ANKS1B: variants seen among roughly 807,000 people sequenced by gnomAD.
The protein encoded by ANKS1B is ankyrin repeat and sterile alpha motif domain-containing protein 1B.
ANKS1B carries 36 observed loss-of-function variants against 148.3 expected under a neutral mutation model. The ratio of observed to expected loss-of-function variants is 0.24; its 90% CI spans 0.19 to 0.32. ANKS1B has a LOEUF of 0.32. Ranked by LOEUF, ANKS1B falls within the 10% of genes least tolerant of loss-of-function variation. The probability of loss-of-function intolerance (pLI) is 1.00; values close to 1 mark genes in which losing one functional copy is unlikely to be tolerated. For synonymous variants in ANKS1B, 542 were observed against 560.8 expected (o/e 0.97, Z 0.47); for missense variants, 1,157 against 1,542.6 (o/e 0.75, Z 4.19).
chr12:98,888,871 T>A (rs1382117367), intron 17 of ANKS1B, among the ~76,000 whole-genome samples: 2 of 152,228 alleles, frequency 1.3e-5, no homozygotes, highest in East Asian at 3.8e-4. Flanking sequence ...TTCCTTTGTA[T>A]CAATCCTCTC....
chr12:99,085,819 C>T (rs536123469), intron 15 of ANKS1B, among the ~76,000 whole-genome samples: 1 of 152,218 alleles, frequency 6.6e-6, no homozygotes, highest in East Asian at 1.9e-4. Flanking sequence ...ATGATGAGAA[C>T]ACACGGACGT....
rs10539640 is a variant in ANKS1B at position 99,812,511 on chromosome 12, CCACACACACACACA to C, written c.216-214_216-201del. Among the ~76,000 whole-genome samples the C allele has an allele frequency of 1.3e-3, 162 of 126,094 alleles. 1 individual carries two copies. Among genetic ancestry groups the C allele is most frequent in the Non-Finnish European group, 1.2e-3 (70 of 60,456 alleles). 82.7% of individuals were successfully genotyped at this position (126,094 alleles called of 152,430 possible). A position where few individuals can be genotyped will look rare whatever the true frequency, so the allele number is the denominator to read the frequency against. On this transcript the variant is annotated intron_variant, in intron 2 of 26. Transcript: ENST00000683438. Reference sequence around the variant, plus strand: ...TTACCTGGAAAACCATCACCCCATGCCACACACACACACACACACACACACACACACACACACAC... The same window carrying C: ...TTACCTGGAAAACCATCACCCCATGCCACACACACACACACACACACACAC...
chr12:99,572,319 T>G (rs1387717607), intron 9 of ANKS1B, among the ~76,000 whole-genome samples: 1 of 152,058 alleles, frequency 6.6e-6, no homozygotes, highest in African/African-American at 2.4e-5. Flanking sequence ...AAAATAAATG[T>G]TTTTTATTAT....
intron 9 of ANKS1B, among the ~76,000 whole-genome samples, chr12:99,572,086 T>C (rs181943693): frequency 2.0e-5 from 3 of 152,226 alleles, no homozygotes; most frequent in African/African-American, 7.2e-5. Context: ...GTACTAGATG[T>C]GCACTAACTA....
chr12:98,844,249 G>A (rs561133680), intron 17 of ANKS1B, among the ~76,000 whole-genome samples: 5 of 152,144 alleles, frequency 3.3e-5, no homozygotes, highest in Non-Finnish European at 7.4e-5. Flanking sequence ...AACAGTATTC[G>A]CCTCTTAGTG....
At chr12:99,263,637 T>G (rs1048094290) in intron 12 of ANKS1B, among the ~76,000 whole-genome samples, 13 of 152,234 alleles carry the variant, frequency 8.5e-5, no homozygotes, top group African/African-American at 2.9e-4. Context: ...AATCCCCACT[T>G]GATTGGATCA....
chr12:98,890,862 T>C (rs2099751204), intron 17 of ANKS1B, among the ~76,000 whole-genome samples: 1 of 152,176 alleles, frequency 6.6e-6, no homozygotes, highest in South Asian at 2.1e-4. Context: ...CCTCCAAATA[T>C]ATGGCCAAGC....
chr12:99,695,478 T>C (rs1415272573), intron 8 of ANKS1B, among the ~76,000 whole-genome samples: 2 of 152,334 alleles, frequency 1.3e-5, no homozygotes, highest in East Asian at 3.9e-4. Flanking sequence ...TTAAACTACA[T>C]TGGCTATTGA....
At chr12:98,811,167 T>C (rs1054853055) in intron 19 of ANKS1B, among the ~76,000 whole-genome samples, 7 of 152,346 alleles carry the variant, frequency 4.6e-5, no homozygotes, top group Non-Finnish European at 5.9e-5. Flanking sequence ...TGTGATTTCT[T>C]TGGAGAGCTC....
intron 10 of ANKS1B, among the ~76,000 whole-genome samples, chr12:99,476,735 A>C (rs1295070326): frequency 6.6e-6 from 1 of 152,194 alleles, no homozygotes; most frequent in East Asian, 1.9e-4. Flanking sequence ...TCTGTGTAAC[A>C]AATTACCCCA....
At chr12:99,398,172 G>A (rs887120390) in intron 12 of ANKS1B, among the ~76,000 whole-genome samples, 1 of 152,004 alleles carries the variant, frequency 6.6e-6, no homozygotes, top group Non-Finnish European at 1.5e-5. Flanking sequence ...ATATCACTCC[G>A]GCTTCCATGA....
intron 12 of ANKS1B, among the ~76,000 whole-genome samples, chr12:99,323,584 A>G (rs982334787): frequency 2.0e-5 from 3 of 152,102 alleles, no homozygotes; most frequent in Admixed American, 1.3e-4. Context: ...TACTTGCTTT[A>G]TTTTTTAACC....
intron 18 of ANKS1B, among the ~76,000 whole-genome samples, chr12:98,830,419 C>T (rs1566953468): frequency 2.0e-5 from 3 of 152,136 alleles, no homozygotes; most frequent in Non-Finnish European, 4.4e-5. Context: ...ACCCATCCCA[C>T]TCCAGTCTCT....
intron 20 of ANKS1B, among the ~76,000 whole-genome samples, chr12:98,802,478 GGGA>G (rs1208684236): frequency 6.6e-6 from 1 of 151,976 alleles, no homozygotes; most frequent in Non-Finnish European, 1.5e-5. Context: ...GCATATTTTG[GGGA>G]GGAGAACTAG....
chr12:99,661,807 T>G (rs957794745), intron 8 of ANKS1B, among the ~76,000 whole-genome samples: 1 of 152,210 alleles, frequency 6.6e-6, no homozygotes, highest in Admixed American at 6.5e-5. Flanking sequence ...TTGTCCAGTG[T>G]CTGTTGCAGC....
At chr12:99,903,028 AATGCTGGGACATGAGCCACC>A (rs1382867421) in intron 1 of ANKS1B, among the ~76,000 whole-genome samples, 2 of 152,104 alleles carry the variant, frequency 1.3e-5, no homozygotes, top group Non-Finnish European at 2.9e-5. Context: ...GGCCTCCCAA[AATGCTGGGACATGAGCCACC>A]ATGCCCAGCC....
chr12:99,031,496 C>T (rs759702557), intron 17 of ANKS1B, among the ~76,000 whole-genome samples: 6 of 152,144 alleles, frequency 3.9e-5, no homozygotes, highest in Admixed American at 2.6e-4. Flanking sequence ...GCAAGTTGGA[C>T]GGTGGCTGTG....
chr12:99,224,818 CCTTTAA>C (rs2085648085), intron 14 of ANKS1B, among the ~76,000 whole-genome samples: 1 of 152,110 alleles, frequency 6.6e-6, no homozygotes, highest in East Asian at 1.9e-4. Flanking sequence ...AAAACCAGGG[CCTTTAA>C]CTTAAACTTT....
intron 12 of ANKS1B, among the ~76,000 whole-genome samples, chr12:99,294,102 T>A (rs1279596747): frequency 6.6e-6 from 1 of 152,154 alleles, no homozygotes; most frequent in Non-Finnish European, 1.5e-5. Flanking sequence ...TACAGGACTA[T>A]GGAGAAAAAT....
Sources: allele counts gnomAD v4.1 joint callset (sites outside exome capture counted in the v4.1 genomes callset), GRCh38; gene constraint gnomAD v4.1.1; transcripts MANE v1.5; gene names NCBI Gene and HGNC (gene_info 2026-07-23, HGNC 2026-07-21).